Variants in AXIN2 observed in about 807,000 individuals in gnomAD.
AXIN2 encodes axin-2.
In AXIN2, 21 loss-of-function variants were observed where a neutral mutation model predicts 74.7. That is an observed-to-expected ratio of 0.28 (90% CI 0.20 to 0.40). AXIN2 has a LOEUF of 0.40. Ranked by LOEUF, AXIN2 falls within the 10% of genes least tolerant of loss-of-function variation. The pLI, the probability that AXIN2 is intolerant of heterozygous loss-of-function variation, is 1.00. For synonymous variants in AXIN2, 532 were observed against 454.9 expected (o/e 1.17, Z -2.16); for missense variants, 1,144 against 1,111.1 (o/e 1.03, Z -0.42).
At chr17:65,555,027 C>G (rs1371244532) in intron 2 of AXIN2, among the ~76,000 whole-genome samples, 1 of 152,238 alleles carries the variant, frequency 6.6e-6, no homozygotes, top group Non-Finnish European at 1.5e-5. Flanking sequence ...CTCAACCACT[C>G]AGACCAGAGT....
chr17:65,543,805 G>A (rs2044077095), intron 3 of AXIN2, among the ~76,000 whole-genome samples: 1 of 152,192 alleles, frequency 6.6e-6, no homozygotes, highest in Non-Finnish European at 1.5e-5. Flanking sequence ...GGGGAAATTT[G>A]TGGAATTTTC....
At chr17:65,533,826 T>A in intron 10 of AXIN2, 86 bp downstream of exon 10, 21 of 780,352 alleles carry the variant, frequency 2.7e-5, no homozygotes, top group Non-Finnish European at 4.0e-5. Flanking sequence ...CACCTAGGTC[T>A]GCTCAGCCAG....
intron 10 of AXIN2, among the ~76,000 whole-genome samples, chr17:65,532,918 C>A (rs1004518080): frequency 1.3e-5 from 2 of 152,232 alleles, no homozygotes; most frequent in East Asian, 3.8e-4. Flanking sequence ...CTGTCTCACC[C>A]TTGTCCCAGC....
intron 9 of AXIN2, among the ~76,000 whole-genome samples, chr17:65,535,026 T>C (rs990563053): frequency 2.0e-5 from 3 of 152,356 alleles, no homozygotes; most frequent in East Asian, 1.9e-4. Flanking sequence ...CAGTGGCCTA[T>C]TGAGGACTTC....
chr17:65,544,870 G>A (rs2044095770), intron 3 of AXIN2, among the ~76,000 whole-genome samples: 3 of 152,112 alleles, frequency 2.0e-5, no homozygotes. Flanking sequence ...CTTTGAAATA[G>A]CAGACTCATG....
At chr17:65,555,196 C>A (rs1447506213) in intron 2 of AXIN2, among the ~76,000 whole-genome samples, 1 of 152,190 alleles carries the variant, frequency 6.6e-6, no homozygotes, top group Non-Finnish European at 1.5e-5. Context: ...CCCCAGGCAT[C>A]CGGCTGCCAA....
chr17:65,544,258 TATA>T (rs1292338735), intron 3 of AXIN2, among the ~76,000 whole-genome samples: 1 of 150,046 alleles, frequency 6.7e-6, no homozygotes, highest in Non-Finnish European at 1.5e-5. Context: ...TCTTCTTCCA[TATA>T]ATAAGGTTAA....
In AXIN2 at chr17:65,530,630, C is replaced by T. The variant is rs371201318; in HGVS notation, c.2406-528G>A. ...ATGGTTTAGCAGTCCAAAGGCCTCT[C>T]GGCCTTCCCATCCTCCAGGTCCCAA... On this transcript the variant is annotated intron_variant, in intron 10 of 10. Transcript: ENST00000307078. Among the ~76,000 whole-genome samples, 7 of 152,198 alleles carry T rather than the reference C, an allele frequency of 4.6e-5. No homozygotes were observed. The East Asian group carries it at 7.7e-4, about 17-fold the overall frequency.
At chr17:65,545,428 G>A (rs1301059076) in intron 3 of AXIN2, among the ~76,000 whole-genome samples, 1 of 152,132 alleles carries the variant, frequency 6.6e-6, no homozygotes, top group Non-Finnish European at 1.5e-5. Context: ...GGTGGCTCAC[G>A]CCTGTAATCC....
chr17:65,529,819 C>G lies in AXIN2; in HGVS notation c.*157G>C. 1 of 1,209,112 alleles carries G rather than the reference C, an allele frequency of 8.3e-7. No homozygotes were observed. Among genetic ancestry groups the G allele is most frequent in the Non-Finnish European group, 1.2e-6 (1 of 845,488 alleles). 74.9% of individuals were successfully genotyped at this position (1,209,112 alleles called of 1,614,324 possible). A position where few individuals can be genotyped will look rare whatever the true frequency, so the allele number is the denominator to read the frequency against. On this transcript the variant is annotated 3_prime_UTR_variant, in exon 11 of 11. Coordinates refer to ENST00000307078, the MANE Select transcript of AXIN2 (RefSeq NM_004655.4). ...ATGAATCATGAAAATCAACCTCCCCCCGCCCTCCCGAAGGCCCACTGGCCG... is the reference window on the plus strand; with the variant it reads ...ATGAATCATGAAAATCAACCTCCCCGCGCCCTCCCGAAGGCCCACTGGCCG...
At position 65,538,667 on chromosome 17, in the gene AXIN2, CAAAAAAAAAAAAAAAAAA is replaced by C. The variant is rs775428814; in HGVS notation, c.1060-342_1060-325del. ...ATCTTCAAAGACTGTTGTCAACCAT[CAAAAAAAAAAAAAAAAAA>C]AAAAAAAAAAAAAAAAAAAAGGCAG... On this transcript the variant is annotated intron_variant, in intron 4 of 10. Transcript: ENST00000307078. 1.8e-3 allele frequency among the ~76,000 whole-genome samples: 63 copies of C among 35,828 alleles called. 2 individuals are homozygous for C. Among genetic ancestry groups the C allele is most frequent in the East Asian group, 6.4e-3 (6 of 944 alleles). 23.5% of individuals were successfully genotyped at this position (35,828 alleles called of 152,430 possible). A position where few individuals can be genotyped will look rare whatever the true frequency, so the allele number is the denominator to read the frequency against.
chr17:65,540,235 A>G (rs1022382070), intron 4 of AXIN2, among the ~76,000 whole-genome samples: 20 of 117,384 alleles, frequency 1.7e-4, no homozygotes, highest in Middle Eastern at 4.2e-3. Flanking sequence ...CCCAGTGAAG[A>G]GAGCAGGAGG....
intron 3 of AXIN2, among the ~76,000 whole-genome samples, chr17:65,542,618 T>A (rs1457736783): frequency 6.6e-6 from 1 of 152,212 alleles, no homozygotes. Flanking sequence ...GAAGAATTTT[T>A]AAAAAGCTGC....
intron 10 of AXIN2, among the ~76,000 whole-genome samples, chr17:65,533,239 A>G (rs1010092088): frequency 9.2e-5 from 14 of 152,182 alleles, no homozygotes; most frequent in Non-Finnish European, 1.8e-4. Flanking sequence ...GCAGGGGAGA[A>G]GGCAGCGGGG....
In AXIN2 at chr17:65,538,215, C is replaced by T. The variant is rs1060504488; in HGVS notation, c.1188G>A (p.Gln396=). 1.4e-5 allele frequency: 23 copies of T among 1,614,134 alleles called. No homozygotes were observed. Among genetic ancestry groups the T allele is most frequent in the Non-Finnish European group, 1.7e-5 (20 of 1,180,064 alleles). ...ESRHSLEERL[Q]QIREDEEREG... is the part of the protein sequence containing the mutation. ...TAGGCCGCATTACCTCTCGGATCTG[C>T]TGCAGGCGCTCCTCCAGGCTGTGGC... The change falls in exon 5 of 11, where the codon CAG becomes CAA. Residue 396 remains glutamine, a synonymous_variant. Transcript: ENST00000307078.
intron 3 of AXIN2, among the ~76,000 whole-genome samples, chr17:65,543,797 G>A (rs1375012167): frequency 2.6e-5 from 4 of 152,166 alleles, no homozygotes; most frequent in Non-Finnish European, 5.9e-5. Flanking sequence ...GGCATGAGGG[G>A]GAAATTTGTG....
chr17:65,542,519 C>A (rs969899890), intron 3 of AXIN2, among the ~76,000 whole-genome samples: 1 of 152,124 alleles, frequency 6.6e-6, no homozygotes, highest in African/African-American at 2.4e-5. Flanking sequence ...GGTGTCAAGT[C>A]CTCATTGAGA....
intron 10 of AXIN2, among the ~76,000 whole-genome samples, 193 bp from the exon 11 acceptor site, chr17:65,530,295 A>G (rs1415857727): frequency 2.6e-5 from 4 of 152,202 alleles, no homozygotes; most frequent in African/African-American, 9.7e-5. Context: ...GTGGGCCGAG[A>G]TGATGAAGGC....
intron 3 of AXIN2, among the ~76,000 whole-genome samples, chr17:65,546,630 G>C (rs2044123666): frequency 6.6e-6 from 1 of 152,172 alleles, no homozygotes; most frequent in Non-Finnish European, 1.5e-5. Flanking sequence ...ACCCCACATG[G>C]ATGCCAAATG....
Sources: gnomAD v4.1 joint callset for allele counts (sites outside exome capture counted in the v4.1 genomes callset) on GRCh38, gnomAD v4.1.1 for gene constraint, MANE v1.5 for transcripts, NCBI Gene and HGNC (gene_info 2026-07-23, HGNC 2026-07-21) for gene names.